ZNF879: variants seen among roughly 807,000 people sequenced by gnomAD.
The protein encoded by ZNF879 is zinc finger protein 879.
In ZNF879, 32 loss-of-function variants were observed where a neutral mutation model predicts 44.3. The ratio of observed to expected loss-of-function variants is 0.72; its 90% confidence interval spans 0.54 to 0.97. The LOEUF is 0.97. ZNF879 is among the 50% of genes least tolerant of loss of function. ZNF879 has a pLI of 0.00. For synonymous variants in ZNF879, 234 were observed against 233.2 expected, an observed-to-expected ratio of 1.00 and a Z score of -0.03; for missense variants, 621 against 669.7, an observed-to-expected ratio of 0.93 and a Z score of 0.80.
At position 179,033,185 on chromosome 5, in the gene ZNF879, T is replaced by A; in HGVS notation, c.1237T>A (p.Ser413Thr). Residue 413 changes from serine (S) to threonine (T), a missense_variant, in exon 5 of 5, where the codon TCA becomes ACA. Transcript: ENST00000444149. ...KECGKAFSQS[S>T]ALIQHQRIHT... is the part of the protein sequence containing the mutation. ...ATGTGGGAAAGCCTTCAGCCAAAGC[T>A]CAGCTCTCATACAACATCAAAGAAT... 1 of 1,594,548 alleles carries A rather than the reference T, an allele frequency of 6.3e-7. No individual in the cohort carries two copies. Among genetic ancestry groups the A allele is most frequent in the South Asian group, 1.1e-5 (1 of 88,620 alleles).
At chr5:179,030,191 A>C (rs1391190954) in intron 4 of ZNF879, among the ~76,000 whole-genome samples, 1 of 152,222 alleles carries the variant, frequency 6.6e-6, no homozygotes, top group Non-Finnish European at 1.5e-5. Context: ...AAGGATTAAG[A>C]AATAGATACC....
In ZNF879 at chr5:179,026,039, T is replaced by C. The variant is rs574102550; in HGVS notation, c.33+1002T>C. 1.8e-3 allele frequency among the ~76,000 whole-genome samples: 268 copies of C among 145,224 alleles called. 1 individual carries two copies. The highest frequency in any genetic ancestry group is 6.5e-3 in the African/African-American group (254 of 39,128). On this transcript the variant is annotated intron_variant, in intron 2 of 4. Coordinates refer to ENST00000444149, the MANE Select transcript of ZNF879 (RefSeq NM_001136116.3). Reference sequence around the variant, plus strand: ...GGTGGAGGTTGCAGTGAGCTGAGATTGTGCCATTGCACTCCAGCCTGGTGA... The same window carrying C: ...GGTGGAGGTTGCAGTGAGCTGAGATCGTGCCATTGCACTCCAGCCTGGTGA...
intron 4 of ZNF879, among the ~76,000 whole-genome samples, chr5:179,029,292 G>A (rs1194427679): frequency 1.3e-5 from 2 of 151,924 alleles, no homozygotes; most frequent in African/African-American, 4.8e-5. Context: ...CTTTTCATTA[G>A]GTTATATGAA....
At position 179,032,824 on chromosome 5, in the gene ZNF879, A is replaced by G. The variant is rs1408440683; in HGVS notation, c.876A>G (p.Glu292=). ...HTGERPYKCK[E]CGKTFKGSSS... is the part of the protein sequence containing the mutation. ...GAGAGAGACCTTATAAATGCAAGGAATGTGGAAAAACATTTAAAGGTAGTT... is the reference window on the plus strand; with the variant it reads ...GAGAGAGACCTTATAAATGCAAGGAGTGTGGAAAAACATTTAAAGGTAGTT... The change falls in exon 5 of 5, where the codon GAA becomes GAG. Residue 292 remains glutamate (E), a synonymous_variant. Transcript: ENST00000444149. 1 of 1,555,532 alleles carries G rather than the reference A, an allele frequency of 6.4e-7. No homozygotes were observed. The highest frequency in any genetic ancestry group is 2.4e-5 in the East Asian group (1 of 41,094).
chr5:179,027,986 C>G (rs1248191973), intron 3 of ZNF879, 46 bp from the exon 4 acceptor site: 1 of 1,521,650 alleles, frequency 6.6e-7, no homozygotes, highest in Non-Finnish European at 8.9e-7. Flanking sequence ...GGGCTGGACC[C>G]GCCTGCTACG....
At chr5:179,023,927 G>A (rs1266802209) in intron 1 of ZNF879, 23 bp downstream of exon 1, 1 of 152,574 alleles carries the variant, frequency 6.6e-6, no homozygotes, top group African/African-American at 2.4e-5. Context: ...GGTGAGGGCG[G>A]GCCCGGGGCG....
At chr5:179,028,386 T>C (rs1761328768) in intron 4 of ZNF879, among the ~76,000 whole-genome samples, 2 of 152,232 alleles carry the variant, frequency 1.3e-5, no homozygotes, top group Admixed American at 1.3e-4. Flanking sequence ...GGTTTATAAT[T>C]CTTTTATCTT....
chr5:179,032,544 C>G lies in ZNF879; in HGVS notation c.596C>G (p.Thr199Arg). The G allele has an allele frequency of 1.3e-6, 2 of 1,551,788 alleles. No individual in the cohort carries two copies. Among genetic ancestry groups the G allele is most frequent in the Non-Finnish European group, 1.7e-6 (2 of 1,147,048 alleles). Residue 199 changes from threonine to arginine, a missense_variant, in exon 5 of 5, where the codon ACA becomes AGA. Coordinates refer to ENST00000444149, the MANE Select transcript of ZNF879 (RefSeq NM_001136116.3). ...CTCTTTAAACAACTGGGGGTCAACA[C>G]AGTGCGTAAATGTTATAAATGTAAT... is the stretch of plus-strand genomic sequence containing the variant. The part of the protein sequence containing the change: ...SVLFKQLGVN[T>R]VRKCYKCNIC...
chr5:179,025,044 G>A lies in ZNF879; in HGVS notation c.33+7G>A. ...GCTGCCAGCCCATGTACAGGTGAGT[G>A]AAGGCTTCTTTTTGCTTGAACTGCC... On this transcript the variant is annotated splice_region_variant and intron_variant, in intron 2 of 4. Transcript: ENST00000444149. 1.3e-6 allele frequency: 2 copies of A among 1,551,496 alleles called. No individual in the cohort carries two copies. Among genetic ancestry groups the A allele is most frequent in the Non-Finnish European group, 1.7e-6 (2 of 1,146,862 alleles).
intron 3 of ZNF879, 74 bp from the exon 4 acceptor site, chr5:179,027,958 T>C: frequency 7.5e-7 from 1 of 1,325,664 alleles, no homozygotes; most frequent in Non-Finnish European, 1.1e-6. Context: ...GTACTGCCCC[T>C]CTGCCCTGGG....
At chr5:179,030,393 A>G (rs1581101254) in intron 4 of ZNF879, among the ~76,000 whole-genome samples, 1 of 152,252 alleles carries the variant, frequency 6.6e-6, no homozygotes, top group Non-Finnish European at 1.5e-5. Context: ...ATGAGGCATC[A>G]CTGCCACAAA....
In ZNF879 at chr5:179,032,779, A is replaced by G; in HGVS notation, c.831A>G (p.Gly277=). The G allele has an allele frequency of 6.4e-7, 1 of 1,554,132 alleles. No homozygotes were observed. The highest frequency in any genetic ancestry group is 8.7e-7 in the Non-Finnish European group (1 of 1,148,624). The part of the protein sequence containing the change: ...KAFSFTTSLI[G]HQRMHTGERP... ...TCAGTTTCACCACATCTCTTATTGG[A>G]CACCAGAGAATGCATACTGGAGAGA... Residue 277 remains glycine (G), a synonymous_variant, in exon 5 of 5, where the codon GGA becomes GGG. Transcript: ENST00000444149.
chr5:179,024,873 C>T, intron 1 of ZNF879, 97 bp from the exon 2 acceptor site: 5 of 928,398 alleles, frequency 5.4e-6, no homozygotes, highest in Non-Finnish European at 8.3e-6. Flanking sequence ...TCCTTCTCTG[C>T]AGGTGCTCAG....
In ZNF879 at chr5:179,033,130, C is replaced by T; in HGVS notation, c.1182C>T (p.His394=). The T allele has an allele frequency of 6.3e-7, 1 of 1,584,664 alleles. No individual in the cohort carries two copies. The highest frequency in any genetic ancestry group is 8.6e-7 in the Non-Finnish European group (1 of 1,165,146). ...HSALIIHQRI[H]TGEKPYACKE... ...CCCTTATCATACATCAGAGAATTCA[C>T]ACTGGTGAGAAACCATATGCATGCA... The change falls in exon 5 of 5, where the codon CAC becomes CAT. Residue 394 remains histidine, a synonymous_variant. Coordinates refer to ENST00000444149, the MANE Select transcript of ZNF879 (RefSeq NM_001136116.3).
chr5:179,032,154 C>G (rs1761432845), intron 4 of ZNF879, 51 bp from the exon 5 acceptor site: 1 of 1,348,184 alleles, frequency 7.4e-7, no homozygotes, highest in Non-Finnish European at 9.9e-7. Context: ...TTTTATGTCA[C>G]TTTTTAAAAT....
At position 179,033,737 on chromosome 5, in the gene ZNF879, CAT is replaced by C; in HGVS notation, c.*99_*100del. 1 of 942,554 alleles carries C rather than the reference CAT, an allele frequency of 1.1e-6. No individual in the cohort carries two copies. The highest frequency in any genetic ancestry group is 1.5e-6 in the Non-Finnish European group (1 of 648,890). The allele number at this position is 942,554 out of a possible 1,614,324, so 58.4% of individuals were successfully genotyped here. A position where few individuals can be genotyped will look rare whatever the true frequency, so the allele number is the denominator to read the frequency against. Reference sequence around the variant, plus strand: ...GAGAAAGTGATGAAGAGTAGTTAATCATAGGTAAAACTTCAGCATTAGACCTC... The same window carrying C: ...GAGAAAGTGATGAAGAGTAGTTAATCAGGTAAAACTTCAGCATTAGACCTC... On this transcript the variant is annotated 3_prime_UTR_variant, in exon 5 of 5. Coordinates refer to ENST00000444149, the MANE Select transcript of ZNF879 (RefSeq NM_001136116.3).
chr5:179,028,894 G>C (rs1032691873), intron 4 of ZNF879, among the ~76,000 whole-genome samples: 12 of 152,270 alleles, frequency 7.9e-5, no homozygotes, highest in African/African-American at 2.4e-4. Flanking sequence ...ACCTGGGCAG[G>C]GCGTGGGCTT....
chr5:179,032,423 G>C lies in ZNF879; in HGVS notation c.475G>C (p.Glu159Gln), dbSNP rs1265027458. Residue 159 changes from glutamate (E) to glutamine (Q), a missense_variant, in exon 5 of 5, where the codon GAA (glutamate) becomes CAA (glutamine). Glu to Gln is a conservative substitution (Grantham distance 29). Transcript: ENST00000444149. ...GAAGGAGAGGAGCTTTAAAGGTGTTGAATTTGGGAAAAATCTTGGTCTAAA... is the reference window on the plus strand; with the variant it reads ...GAAGGAGAGGAGCTTTAAAGGTGTTCAATTTGGGAAAAATCTTGGTCTAAA... ...YMKERSFKGV[E>Q]FGKNLGLKSS... is the part of the protein sequence containing the mutation. 1 of 1,551,574 alleles carries C rather than the reference G, an allele frequency of 6.4e-7. No homozygotes were observed. The highest frequency in any genetic ancestry group is 8.7e-7 in the Non-Finnish European group (1 of 1,146,942).
rs1481085788 is a variant in ZNF879 at position 179,033,661 on chromosome 5, G to A, written c.*21G>A. The A allele has an allele frequency of 2.8e-6, 4 of 1,439,722 alleles. No individual in the cohort carries two copies. In the Admixed American group the frequency reaches 1.1e-4, roughly 40 times the overall value. 89.2% of individuals were successfully genotyped at this position (1,439,722 alleles called of 1,614,324 possible). On this transcript the variant is annotated 3_prime_UTR_variant, in exon 5 of 5. Transcript: ENST00000444149. ...ATTGAGAAAAACTGTATAAATGCAT[G>A]TAGGAACTGAAGTTATATTCCATAC...
Sources: gnomAD v4.1 joint callset for allele counts (sites outside exome capture counted in the v4.1 genomes callset) on GRCh38, gnomAD v4.1.1 for gene constraint, MANE v1.5 for transcripts, NCBI Gene and HGNC (gene_info 2026-07-23, HGNC 2026-07-21) for gene names.